CCSER1: variants seen among roughly 807,000 people sequenced by gnomAD.
CCSER1 encodes serine-rich coiled-coil domain-containing protein 1.
In CCSER1, 41 loss-of-function variants were observed where a neutral mutation model predicts 82.0. The observed-to-expected ratio is 0.50, with a 90% CI of 0.39 to 0.65. The LOEUF (loss-of-function observed/expected upper bound fraction) is 0.65, where lower values mean the gene tolerates loss of function less well. Among genes scored for constraint, CCSER1 ranks in the 30% least tolerant of loss-of-function variants. The pLI is 0.00. For synonymous variants in CCSER1, 414 were observed against 383.9 expected (o/e 1.08, Z -0.92); for missense variants, 1,119 against 1,064.2 (o/e 1.05, Z -0.72).
intron 9 of CCSER1, among the ~76,000 whole-genome samples, chr4:90,954,068 A>G (rs893516024): frequency 6.6e-6 from 1 of 152,024 alleles, no homozygotes; most frequent in Non-Finnish European, 1.5e-5. Context: ...TTTTACATAA[A>G]TACTTTCATT....
chr4:90,530,187 A>G (rs949822567), intron 5 of CCSER1, among the ~76,000 whole-genome samples: 2 of 152,182 alleles, frequency 1.3e-5, no homozygotes, highest in Non-Finnish European at 2.9e-5. Context: ...CCCTTAAAGT[A>G]TGAAGCTGAA....
At chr4:91,322,224 A>G (rs1746245674) in intron 10 of CCSER1, among the ~76,000 whole-genome samples, 1 of 152,120 alleles carries the variant, frequency 6.6e-6, no homozygotes, top group Non-Finnish European at 1.5e-5. Flanking sequence ...ATATTTTTAT[A>G]TTCTTTAAGA....
intron 5 of CCSER1, among the ~76,000 whole-genome samples, chr4:90,557,500 T>C (rs1484549932): frequency 3.3e-5 from 5 of 152,116 alleles, no homozygotes; most frequent in Admixed American, 3.3e-4. Flanking sequence ...CACTTTTGTC[T>C]TTACTAGTAC....
intron 9 of CCSER1, among the ~76,000 whole-genome samples, chr4:90,940,293 T>A (rs1053380525): frequency 6.6e-6 from 1 of 151,652 alleles, no homozygotes; most frequent in African/African-American, 2.4e-5. Flanking sequence ...CCTCCCTTCC[T>A]TCCTTCTTTC....
At chr4:90,560,927 A>G (rs1778690253) in intron 5 of CCSER1, among the ~76,000 whole-genome samples, 1 of 152,184 alleles carries the variant, frequency 6.6e-6, no homozygotes, top group Non-Finnish European at 1.5e-5. Flanking sequence ...CTTCCCTCAA[A>G]TCATCTGGCA....
intron 3 of CCSER1, among the ~76,000 whole-genome samples, chr4:90,391,027 G>A (rs1750913270): frequency 6.6e-6 from 1 of 150,586 alleles, no homozygotes; most frequent in African/African-American, 2.5e-5. Flanking sequence ...ACTTTGAGAG[G>A]CTGAGGCGGA....
chr4:90,460,092 C>A (rs1477899749), intron 4 of CCSER1, among the ~76,000 whole-genome samples: 2 of 145,930 alleles, frequency 1.4e-5, no homozygotes, highest in South Asian at 2.1e-4. Context: ...TTTGGGAGGC[C>A]AAGACGGGCG....
chr4:90,685,422 A>G (rs2046436613), intron 6 of CCSER1, among the ~76,000 whole-genome samples: 1 of 152,176 alleles, frequency 6.6e-6, no homozygotes, highest in African/African-American at 2.4e-5. Flanking sequence ...ATTATTACTA[A>G]TTTAAGGATG....
intron 4 of CCSER1, among the ~76,000 whole-genome samples, chr4:90,408,171 G>A (rs984718687): frequency 2.6e-5 from 4 of 152,210 alleles, no homozygotes; most frequent in African/African-American, 7.2e-5. Context: ...CCAGCTCAAG[G>A]AGGCCTGCCT....
intron 10 of CCSER1, among the ~76,000 whole-genome samples, chr4:91,268,878 T>G (rs1226097932): frequency 6.6e-6 from 1 of 152,178 alleles, no homozygotes; most frequent in East Asian, 1.9e-4. Context: ...GAACCAGCCA[T>G]TTTCACTTCT....
chr4:90,874,988 G>T (rs962064932), intron 8 of CCSER1, among the ~76,000 whole-genome samples: 4 of 152,166 alleles, frequency 2.6e-5, no homozygotes, highest in Non-Finnish European at 5.9e-5. Context: ...GGAGGTTGCA[G>T]TGAGCTGAGA....
chr4:90,355,410 T>G (rs926538650), intron 3 of CCSER1, among the ~76,000 whole-genome samples: 3 of 152,050 alleles, frequency 2.0e-5, no homozygotes, highest in Admixed American at 6.5e-5. Flanking sequence ...TTAGGTCTCC[T>G]GCTTTATGCA....
chr4:91,544,194 G>A (rs571418683), intron 10 of CCSER1, among the ~76,000 whole-genome samples: 44 of 152,158 alleles, frequency 2.9e-4, no homozygotes, highest in Admixed American at 9.8e-4. Context: ...ATTCTAGTTA[G>A]CCATTCACCT....
rs1187335729 is a variant in CCSER1 at position 90,405,928 on chromosome 4, T to C, written c.1603+5799T>C. ...AAACTCCTTAAAGCATAAATCTCAC[T>C]GAACCTATATAACAGTAACAAAATG... On this transcript the variant is annotated intron_variant, in intron 4 of 10. Transcript: ENST00000509176. Among the ~76,000 whole-genome samples, 3 of 151,722 alleles carry C rather than the reference T, an allele frequency of 2.0e-5. No individual in the cohort carries two copies. The South Asian group carries it at 6.3e-4, about 32-fold the overall frequency.
intron 10 of CCSER1, among the ~76,000 whole-genome samples, chr4:91,573,661 A>G (rs1368336035): frequency 6.6e-6 from 1 of 152,158 alleles, no homozygotes; most frequent in Non-Finnish European, 1.5e-5. Context: ...TACCAGGTGG[A>G]CCGTTGCCCT....
In CCSER1 at chr4:91,331,213, TG is replaced by T. The variant is rs574706744; in HGVS notation, c.2217+245220del. Reference sequence around the variant, plus strand: ...TTAGGACAATGGCATACAGAGGAGTTGAATAACTCAATTTTTTATTGCTATT... The same window carrying T: ...TTAGGACAATGGCATACAGAGGAGTTAATAACTCAATTTTTTATTGCTATT... On this transcript the variant is annotated intron_variant, in intron 10 of 10. Transcript: ENST00000509176. 5.6e-4 allele frequency among the ~76,000 whole-genome samples: 86 copies of T among 152,290 alleles called. 1 individual carries two copies. The South Asian group carries it at 8.1e-3, about 14-fold the overall frequency.
At chr4:90,346,112 G>T (rs1168949152) in intron 3 of CCSER1, among the ~76,000 whole-genome samples, 3 of 151,852 alleles carry the variant, frequency 2.0e-5, no homozygotes, top group African/African-American at 7.3e-5. Flanking sequence ...ATATTTTAAT[G>T]AAGTTAAAAC....
intron 10 of CCSER1, among the ~76,000 whole-genome samples, chr4:91,165,508 C>G (rs374924858): frequency 6.6e-6 from 1 of 152,200 alleles, no homozygotes; most frequent in South Asian, 2.1e-4. Context: ...TCTGCTGCCT[C>G]TTGTTCAGCC....
intron 5 of CCSER1, among the ~76,000 whole-genome samples, chr4:90,572,994 G>A (rs1406370343): frequency 6.6e-6 from 1 of 152,226 alleles, no homozygotes; most frequent in Admixed American, 6.5e-5. Context: ...TGAGGTATAT[G>A]TGGCACTAGG....
Sources: gnomAD v4.1 joint callset for allele counts (sites outside exome capture counted in the v4.1 genomes callset) on GRCh38, gnomAD v4.1.1 for gene constraint, MANE v1.5 for transcripts, NCBI Gene and HGNC (gene_info 2026-07-23, HGNC 2026-07-21) for gene names.